The following TULP3 variants were observed in gnomAD, a reference collection of about 807,000 sequenced individuals.
The protein encoded by TULP3 is tubby-related protein 3.
A neutral mutation model predicts 50.7 loss-of-function variants in TULP3; 38 were observed. The ratio of observed to expected loss-of-function variants is 0.75; its 90% CI spans 0.58 to 0.98. The LOEUF (loss-of-function observed/expected upper bound fraction) is 0.98. Among genes scored for constraint, TULP3 ranks in the 50% least tolerant of loss-of-function variants. The pLI is 0.00. For missense variants in TULP3, 550 were observed against 568.0 expected (o/e 0.97, Z 0.32); for synonymous variants, 183 against 196.6 (o/e 0.93, Z 0.58).
intron 1 of TULP3, among the ~76,000 whole-genome samples, chr12:2,908,185 A>G (rs879116465): frequency 1.3e-5 from 2 of 152,156 alleles, no homozygotes; most frequent in East Asian, 1.9e-4. Context: ...GCTTTGGTAT[A>G]TTTGCCCCAA....
intron 4 of TULP3, among the ~76,000 whole-genome samples, chr12:2,923,107 G>A (rs1018768989): frequency 2.0e-5 from 3 of 151,856 alleles, no homozygotes; most frequent in African/African-American, 7.2e-5. Flanking sequence ...CGCCCGCCTC[G>A]GCCTCCCAAA....
chr12:2,934,599 T>C, intron 8 of TULP3, 38 bp downstream of exon 8: 1 of 1,415,952 alleles, frequency 7.1e-7, no homozygotes, highest in African/African-American at 1.5e-5. Flanking sequence ...CCTGCCCTCC[T>C]GGTGTCCTGC....
chr12:2,939,645 C>T lies in TULP3; in HGVS notation c.*201C>T, dbSNP rs1187829670. On this transcript the variant is annotated 3_prime_UTR_variant, in exon 11 of 11. Transcript: ENST00000448120. The surrounding 1 kb of genome is among the most constrained non-coding windows in gnomAD (Gnocchi z 4.0). Reference sequence around the variant, plus strand: ...CCCCTGAATATATAAAACACACACACGAAGAGCAATAGTTTGCCCCTTTTG... The same window carrying T: ...CCCCTGAATATATAAAACACACACATGAAGAGCAATAGTTTGCCCCTTTTG... The T allele has an allele frequency of 7.3e-7, 1 of 1,371,526 alleles. No homozygotes were observed. The highest frequency in any genetic ancestry group is 1.6e-5 in the South Asian group (1 of 61,592). 85.0% of individuals were successfully genotyped at this position (1,371,526 alleles called of 1,614,324 possible).
At chr12:2,930,865 T>A in intron 5 of TULP3, 172 bp from the exon 6 acceptor site, 1 of 717,684 alleles carries the variant, frequency 1.4e-6, no homozygotes. Context: ...TACTTACTCT[T>A]CATTACTCTC....
Position 2,909,586 on chromosome 12 carries a change from C to CAG in TULP3, c.93+9_93+10dup. 1.3e-6 allele frequency: 2 copies of CAG among 1,581,904 alleles called. No individual in the cohort carries two copies. Among genetic ancestry groups the CAG allele is most frequent in the Non-Finnish European group, 1.7e-6 (2 of 1,170,842 alleles). On this transcript the variant is annotated splice_region_variant and intron_variant, in intron 2 of 10. Coordinates refer to ENST00000448120, the MANE Select transcript of TULP3 (RefSeq NM_003324.5). ...AGGCTAAGCTGGATTATCAGGTGAG[C>CAG]AGAGTCTCCTCTTTTGAAATAGGTG...
chr12:2,932,095 A>G (rs1214353414), intron 6 of TULP3, among the ~76,000 whole-genome samples: 4 of 152,156 alleles, frequency 2.6e-5, no homozygotes, highest in African/African-American at 9.7e-5. Flanking sequence ...AAGGATGCCT[A>G]TATAGGATGG....
In TULP3 at chr12:2,939,545, T is replaced by G; in HGVS notation, c.*101T>G. On this transcript the variant is annotated 3_prime_UTR_variant, in exon 11 of 11. Transcript: ENST00000448120. The surrounding 1 kb of genome is among the most constrained non-coding windows in gnomAD (Gnocchi z 4.0). ...GCCCCAGGACTTAAAGAGCAATAGTTTGCCCCTTTTGGAATGATCTCTGAA... is the reference window on the plus strand; with the variant it reads ...GCCCCAGGACTTAAAGAGCAATAGTGTGCCCCTTTTGGAATGATCTCTGAA... The G allele has an allele frequency of 6.6e-7, 1 of 1,525,976 alleles. No individual in the cohort carries two copies. The highest frequency in any genetic ancestry group is 8.7e-7 in the Non-Finnish European group (1 of 1,144,168). The allele number at this position is 1,525,976 out of a possible 1,614,324, so 94.5% of individuals were successfully genotyped here. A position where few individuals can be genotyped will look rare whatever the true frequency, so the allele number is the denominator to read the frequency against.
intron 4 of TULP3, among the ~76,000 whole-genome samples, chr12:2,929,119 C>G (rs1490920054): frequency 1.3e-5 from 2 of 151,558 alleles, no homozygotes; most frequent in Non-Finnish European, 2.9e-5. Flanking sequence ...GAGATAGAGA[C>G]CATCCTGGCT....
chr12:2,911,053 A>G (rs1486715606), intron 2 of TULP3, among the ~76,000 whole-genome samples: 1 of 151,902 alleles, frequency 6.6e-6, no homozygotes, highest in African/African-American at 2.4e-5. Context: ...GTTCTAAGAC[A>G]TCAAACTTTA....
intron 4 of TULP3, among the ~76,000 whole-genome samples, chr12:2,928,609 T>C (rs1406468117): frequency 6.6e-6 from 1 of 151,450 alleles, no homozygotes; most frequent in Non-Finnish European, 1.5e-5. Context: ...ATCATTGAAT[T>C]TTTTTTTTAC....
chr12:2,908,985 T>A (rs950623148), intron 1 of TULP3, among the ~76,000 whole-genome samples: 5 of 152,126 alleles, frequency 3.3e-5, no homozygotes, highest in African/African-American at 1.2e-4. Flanking sequence ...CACAGTGAAA[T>A]TTTTCCCGTC....
chr12:2,931,099 A>C lies in TULP3; in HGVS notation c.555A>C (p.Ile185=), dbSNP rs778222648. 1 of 1,614,156 alleles carries C rather than the reference A, an allele frequency of 6.2e-7. No individual in the cohort carries two copies. The highest frequency in any genetic ancestry group is 8.5e-7 in the Non-Finnish European group (1 of 1,180,044). Residue 185 remains isoleucine (I), a synonymous_variant, in exon 6 of 11, where the codon ATA becomes ATC. Coordinates refer to ENST00000448120, the MANE Select transcript of TULP3 (RefSeq NM_003324.5). ...CAGCTGATAACCTCCTGGGAGACAT[A>C]GACGACCTGGAGGACTTTGTGTATA... ...AQPADNLLGD[I]DDLEDFVYSP...
intron 3 of TULP3, 55 bp from the exon 4 acceptor site, chr12:2,922,199 TCTACCCAA>T: frequency 6.4e-7 from 1 of 1,564,248 alleles, no homozygotes; most frequent in African/African-American, 1.4e-5. Context: ...ATATGCCAAA[TCTACCCAA>T]CTAGTGAATA....
rs374207383 is a variant in TULP3, at chr12:2,934,634, G to A, written c.924+73G>A. The A allele has an allele frequency of 1.3e-4, 116 of 880,528 alleles. No individual in the cohort carries two copies. The African/African-American group carries it at 1.9e-3, about 15-fold the overall frequency. The allele number at this position is 880,528 out of a possible 1,614,324, so 54.5% of individuals were successfully genotyped here. ...CTGGCACTTTTCACCTAGTGTCGCT[G>A]AAGAACCTCCCCTCCCAAGCTTGTT... is the stretch of plus-strand genomic sequence containing the variant. On this transcript the variant is annotated intron_variant, in intron 8 of 10. Coordinates refer to ENST00000448120, the MANE Select transcript of TULP3 (RefSeq NM_003324.5).
At position 2,904,428 on chromosome 12, in the gene TULP3, C is replaced by CT. The variant is rs376424171; in HGVS notation, c.42-5099dup. Among the ~76,000 whole-genome samples the CT allele has an allele frequency of 3.8e-3, 580 of 152,304 alleles. 2 individuals carry two copies. The highest frequency in any genetic ancestry group is 0.013 in the African/African-American group (530 of 41,576). On this transcript the variant is annotated intron_variant, in intron 1 of 10. Coordinates refer to ENST00000448120, the MANE Select transcript of TULP3 (RefSeq NM_003324.5). ...TCACAGCTCACTGCACCCTTGAACT[C>CT]TTGGGCTCAAGCACTCCTCCTACCT... is the stretch of plus-strand genomic sequence containing the variant.
chr12:2,931,222 A>G lies in TULP3; in HGVS notation c.678A>G (p.Glu226=), dbSNP rs1434040665. The G allele has an allele frequency of 3.1e-6, 5 of 1,613,836 alleles. No homozygotes were observed. The highest frequency in any genetic ancestry group is 3.3e-5 in the Admixed American group (2 of 59,910). ...TCCCCACCTACTATATGTACTTGGA[A>G]AAAGAAGAAAATCAGAAGGTATGAG... ...GLFPTYYMYL[E]KEENQKIFLL... The change falls in exon 6 of 11, where the codon GAA becomes GAG. Residue 226 remains glutamate, a synonymous_variant. Coordinates refer to ENST00000448120, the MANE Select transcript of TULP3 (RefSeq NM_003324.5).
At chr12:2,893,130 T>C (rs1380533458) in intron 1 of TULP3, among the ~76,000 whole-genome samples, 1 of 152,018 alleles carries the variant, frequency 6.6e-6, no homozygotes, top group Non-Finnish European at 1.5e-5. Context: ...CCAAAACTTC[T>C]GGGATTACAG....
At chr12:2,929,054 CTTTT>C (rs34681559) in intron 4 of TULP3, among the ~76,000 whole-genome samples, 1 of 148,574 alleles carries the variant, frequency 6.7e-6, no homozygotes, top group East Asian at 2.0e-4. Flanking sequence ...AAAAAGTACA[CTTTT>C]TTTTTTTTTA....
intron 4 of TULP3, among the ~76,000 whole-genome samples, chr12:2,923,402 TC>T (rs2098192893): frequency 6.6e-6 from 1 of 151,982 alleles, no homozygotes; most frequent in South Asian, 2.1e-4. Flanking sequence ...CGCCTATAAT[TC>T]CAGCACTTTG....
Sources: gnomAD v4.1 joint callset for allele counts (sites outside exome capture counted in the v4.1 genomes callset) on GRCh38, gnomAD v4.1.1 for gene constraint, Gnocchi (gnomAD v3.1) non-coding constraint, MANE v1.5 for transcripts, NCBI Gene and HGNC (gene_info 2026-07-23, HGNC 2026-07-21) for gene names.